ITIH5: variants seen among roughly 807,000 people sequenced by gnomAD.
The protein encoded by ITIH5 is inter-alpha-trypsin inhibitor heavy chain H5.
ITIH5 carries 65 observed loss-of-function variants against 77.5 expected under a neutral mutation model. The observed-to-expected ratio is 0.84, with a 90% CI of 0.69 to 1.03. ITIH5 has a LOEUF of 1.03. ITIH5 is among the 50% of genes least tolerant of loss of function. The pLI is 0.00. For missense variants in ITIH5, 1,208 were observed against 1,213.1 expected, an observed-to-expected ratio of 1.00 and a Z score of 0.06; for synonymous variants, 525 against 494.3, an observed-to-expected ratio of 1.06 and a Z score of -0.82.
chr10:7,664,411 A>AAC (rs1302159318), intron 1 of ITIH5, among the ~76,000 whole-genome samples: 1 of 151,894 alleles, frequency 6.6e-6, no homozygotes, highest in Non-Finnish European at 1.5e-5. Context: ...AAAAAAAAAA[A>AAC]AAAACTAAAA....
chr10:7,561,792 A>G lies in ITIH5; in HGVS notation c.*1291T>C, dbSNP rs1340198595. On this transcript the variant is annotated 3_prime_UTR_variant, in exon 14 of 14. Coordinates refer to ENST00000397146, the MANE Select transcript of ITIH5 (RefSeq NM_030569.7). The stretch of plus-strand genomic sequence containing the variant: ...GCTGCTCTGGTGTCAAGCCCCGTGG[A>G]AGAAGCCTCTTGTGAGGCCAGCCCC... 1 of 152,226 alleles carries G rather than the reference A, an allele frequency of 6.6e-6. No homozygotes were observed. Among genetic ancestry groups the G allele is most frequent in the Admixed American group, 6.5e-5 (1 of 15,284 alleles). The allele number at this position is 152,226 out of a possible 1,614,324, so 9.4% of individuals were successfully genotyped here. A position where few individuals can be genotyped will look rare whatever the true frequency, so the allele number is the denominator to read the frequency against.
chr10:7,592,135 T>C (rs1832804884), intron 7 of ITIH5, among the ~76,000 whole-genome samples: 1 of 152,132 alleles, frequency 6.6e-6, no homozygotes, highest in African/African-American at 2.4e-5. Flanking sequence ...TCCCAAAGTG[T>C]TGGGATTACA....
intron 7 of ITIH5, among the ~76,000 whole-genome samples, chr10:7,598,692 A>G (rs1296974994): frequency 6.6e-6 from 1 of 152,164 alleles, no homozygotes; most frequent in African/African-American, 2.4e-5. Context: ...TACCCCATCT[A>G]TGTAAAAATA....
At position 7,591,835 on chromosome 10, in the gene ITIH5, T is replaced by G. The variant is rs546757175; in HGVS notation, c.940-5766A>C. 2.0e-5 allele frequency among the ~76,000 whole-genome samples: 3 copies of G among 152,336 alleles called. No homozygotes were observed. In the East Asian group the frequency reaches 5.8e-4, roughly 29 times the overall value. On this transcript the variant is annotated intron_variant, in intron 7 of 13. Coordinates refer to ENST00000397146, the MANE Select transcript of ITIH5 (RefSeq NM_030569.7). ...TGTCCATCTCCAGTCTATGCTTCTG[T>G]GTGCAGGAGCTTTTTCTGTTTTATT...
chr10:7,650,258 C>T (rs1282236314), intron 2 of ITIH5, among the ~76,000 whole-genome samples: 1 of 152,246 alleles, frequency 6.6e-6, no homozygotes, highest in Admixed American at 6.5e-5. Context: ...ATTAACCTTT[C>T]ATTATTTTCT....
At chr10:7,628,829 GTGTGT>G (rs1833640554) in intron 5 of ITIH5, among the ~76,000 whole-genome samples, 1 of 103,998 alleles carries the variant, frequency 9.6e-6, no homozygotes, top group Non-Finnish European at 2.1e-5. Context: ...ATGTTGTAGC[GTGTGT>G]CCCTGTTGTA....
intron 7 of ITIH5, among the ~76,000 whole-genome samples, chr10:7,612,075 AT>A (rs1271461030): frequency 6.6e-6 from 1 of 152,164 alleles, no homozygotes. Context: ...CCACAAATGA[AT>A]TGGTACTCTT....
intron 8 of ITIH5, among the ~76,000 whole-genome samples, chr10:7,582,317 G>A (rs1199681798): frequency 6.6e-6 from 1 of 152,184 alleles, no homozygotes; most frequent in African/African-American, 2.4e-5. Context: ...GAGACAGGTG[G>A]TTGGGTGGTT....
At position 7,562,341 on chromosome 10, in the gene ITIH5, G is replaced by A. The variant is rs1448585576; in HGVS notation, c.*742C>T. The A allele has an allele frequency of 2.6e-5, 4 of 152,136 alleles. No individual in the cohort carries two copies. Among genetic ancestry groups the A allele is most frequent in the Non-Finnish European group, 5.9e-5 (4 of 68,034 alleles). 9.4% of individuals were successfully genotyped at this position (152,136 alleles called of 1,614,324 possible). ...TGTATGAAAAGCCCTTAGCTTATTG[G>A]AACAAATTGGAGAATAGCCATTAGC... On this transcript the variant is annotated 3_prime_UTR_variant, in exon 14 of 14. Coordinates refer to ENST00000397146, the MANE Select transcript of ITIH5 (RefSeq NM_030569.7).
intron 1 of ITIH5, among the ~76,000 whole-genome samples, chr10:7,662,577 G>A (rs1317481543): frequency 6.6e-6 from 1 of 152,200 alleles, no homozygotes. Context: ...GACATGATAA[G>A]CAAGATCGCC....
intron 5 of ITIH5, among the ~76,000 whole-genome samples, chr10:7,630,020 A>T (rs1277915731): frequency 6.6e-6 from 1 of 152,238 alleles, no homozygotes; most frequent in Non-Finnish European, 1.5e-5. Context: ...ATACATGTAT[A>T]TTAAAAACTT....
At position 7,561,662 on chromosome 10, in the gene ITIH5, T is replaced by C. The variant is rs1832042396; in HGVS notation, c.*1421A>G. ...GTCCGACAGGAACACGTGGATGTCA[T>C]TTTACTGCCTGAATGTTTCCCCAGG... is the stretch of plus-strand genomic sequence containing the variant. On this transcript the variant is annotated 3_prime_UTR_variant, in exon 14 of 14. Transcript: ENST00000397146. 6.6e-6 allele frequency: 1 copy of C among 152,228 alleles called. No homozygotes were observed. The highest frequency in any genetic ancestry group is 6.5e-5 in the Admixed American group (1 of 15,274). 9.4% of individuals were successfully genotyped at this position (152,228 alleles called of 1,614,324 possible). A position where few individuals can be genotyped will look rare whatever the true frequency, so the allele number is the denominator to read the frequency against.
In ITIH5 at chr10:7,617,271, G is replaced by T; in HGVS notation, c.664C>A (p.Pro222Thr). 6.4e-7 allele frequency: 1 copy of T among 1,556,002 alleles called. No individual in the cohort carries two copies. The highest frequency in any genetic ancestry group is 8.6e-7 in the Non-Finnish European group (1 of 1,156,156). ...TGGTTAATGACAGTAGATGGGGGAGGCCCAGAATCATCTGCAAACAAGATA... is the reference window on the plus strand; with the variant it reads ...TGGTTAATGACAGTAGATGGGGGAGTCCCAGAATCATCTGCAAACAAGATA... ...GSGRGEDDSG[P>T]PPSTVINQNE... The change falls in exon 6 of 14, where the codon CCT (proline) becomes ACT (threonine). Residue 222 changes from proline (P) to threonine (T), a missense_variant. By Grantham distance (38) the Pro-to-Thr change is conservative. Transcript: ENST00000397146.
Position 7,585,932 on chromosome 10 carries a change from T to G in ITIH5, c.1077A>C (p.Lys359Asn). 6.2e-7 allele frequency: 1 copy of G among 1,613,984 alleles called. No individual in the cohort carries two copies. Among genetic ancestry groups the G allele is most frequent in the Non-Finnish European group, 8.5e-7 (1 of 1,179,950 alleles). Residue 359 changes from lysine (K) to asparagine (N), a missense_variant, in exon 8 of 14, where the codon AAA (lysine) becomes AAC (asparagine). Lys to Asn is a moderately conservative substitution (Grantham distance 94). Transcript: ENST00000397146. ...SVTPDSIRDG[K>N]VYIHHMSPTG... is the part of the protein sequence containing the mutation. The stretch of plus-strand genomic sequence containing the variant: ...TGGGTGACATATGGTGAATGTACAC[T>G]TTCCCATCCCTGATGCTGTCTGGAG...
chr10:7,657,114 G>C (rs1834200537), intron 1 of ITIH5, among the ~76,000 whole-genome samples: 1 of 144,002 alleles, frequency 6.9e-6, no homozygotes, highest in South Asian at 2.2e-4. Context: ...ACGCCACCTT[G>C]GCTCACTGCA....
chr10:7,589,646 C>T (rs1422668328), intron 7 of ITIH5, among the ~76,000 whole-genome samples: 3 of 151,998 alleles, frequency 2.0e-5, no homozygotes, highest in African/African-American at 7.3e-5. Flanking sequence ...TCTGTTCTCT[C>T]CTCTGCTATT....
At position 7,580,054 on chromosome 10, in the gene ITIH5, G is replaced by A. The variant is rs1173315159; in HGVS notation, c.1119C>T (p.Ile373=). 6.2e-7 allele frequency: 1 copy of A among 1,601,760 alleles called. No homozygotes were observed. Among genetic ancestry groups the A allele is most frequent in the Admixed American group, 1.7e-5 (1 of 58,402 alleles). The change falls in exon 9 of 14, where the codon ATC becomes ATT. Residue 373 remains isoleucine, a synonymous_variant. Coordinates refer to ENST00000397146, the MANE Select transcript of ITIH5 (RefSeq NM_030569.7). ...TGATGGCCCTCTGCAGGGCCCCGTT[G>A]ATGTCTGTGCCTGCAGGACACCAAC... ...HHMSPTGGTD[I]NGALQRAIRL...
chr10:7,589,109 T>G (rs1832741222), intron 7 of ITIH5, among the ~76,000 whole-genome samples: 1 of 152,238 alleles, frequency 6.6e-6, no homozygotes, highest in African/African-American at 2.4e-5. Context: ...CTTTGTTTCT[T>G]TTGCTTCATT....
At position 7,576,453 on chromosome 10, in the gene ITIH5, C is replaced by G. The variant is rs768431784; in HGVS notation, c.1978G>C (p.Gly660Arg). The change falls in exon 10 of 14, where the codon GGA (glycine) becomes CGA (arginine). Residue 660 changes from glycine (G) to arginine (R), a missense_variant and splice_region_variant. Coordinates refer to ENST00000397146, the MANE Select transcript of ITIH5 (RefSeq NM_030569.7). ...CCTGGCTGGCACAGGTGCCTCGTAC[C>G]TGGCTGCGTGCCAGCTCCTCGCACG... ...QSVRGAGTQP[G>R]PLLKKPYQPR... 10 of 1,578,978 alleles carry G rather than the reference C, an allele frequency of 6.3e-6. No individual in the cohort carries two copies. The highest frequency in any genetic ancestry group is 8.6e-6 in the Non-Finnish European group (10 of 1,165,214).
Sources: allele counts gnomAD v4.1 joint callset (sites outside exome capture counted in the v4.1 genomes callset), GRCh38; gene constraint gnomAD v4.1.1; transcripts MANE v1.5; gene names NCBI Gene and HGNC (gene_info 2026-07-23, HGNC 2026-07-21).